The following NXF1 variants were observed in gnomAD, a reference collection of about 807,000 sequenced individuals.
NXF1 encodes the protein nuclear RNA export factor 1, also known as mRNA export factor TAP.
Under a neutral mutation model 92.4 loss-of-function variants are expected in NXF1, and 43 were observed. The ratio of observed to expected loss-of-function variants is 0.47; its 90% confidence interval spans 0.36 to 0.60. The LOEUF is 0.60. NXF1 is among the 20% of genes least tolerant of loss of function. The pLI is 0.00. For synonymous variants in NXF1, 288 were observed against 292.2 expected, an observed-to-expected ratio of 0.99 and a Z score of 0.15; for missense variants, 576 against 793.0, an observed-to-expected ratio of 0.73 and a Z score of 3.29.
intron 4 of NXF1, 28 bp from the exon 5 acceptor site, chr11:62,802,074 T>C: frequency 6.2e-7 from 1 of 1,610,938 alleles, no homozygotes; most frequent in Non-Finnish European, 8.5e-7. Flanking sequence ...AGCATTACAC[T>C]GGGAGTCCAG....
chr11:62,795,110 G>A, intron 17 of NXF1, 103 bp from the exon 18 acceptor site: 1 of 1,115,526 alleles, frequency 9.0e-7, no homozygotes, highest in South Asian at 1.3e-5. Flanking sequence ...TAGCAAGTCA[G>A]AGAGGAATGA....
intron 1 of NXF1, 48 bp downstream of exon 1, chr11:62,805,281 C>G: frequency 6.4e-7 from 1 of 1,574,460 alleles, no homozygotes; most frequent in Non-Finnish European, 8.6e-7. Flanking sequence ...CGGCGCCGCC[C>G]ACCCGCGCCC....
At position 62,792,621 on chromosome 11, in the gene NXF1, A is replaced by C. The variant is rs1247622195; in HGVS notation, c.1821+20T>G. The C allele has an allele frequency of 1.2e-6, 2 of 1,614,028 alleles. No individual in the cohort carries two copies. The highest frequency in any genetic ancestry group is 1.7e-6 in the Non-Finnish European group (2 of 1,179,994). On this transcript the variant is annotated intron_variant, in intron 20 of 20. Coordinates refer to ENST00000294172, the MANE Select transcript of NXF1 (RefSeq NM_006362.5). ...GCCCAGAGATCCTAGTCTTTTTGCC[A>C]CTGTATTTCCAGACCTTACCTTGAG...
chr11:62,797,600 G>C (rs186773519), intron 11 of NXF1, among the ~76,000 whole-genome samples: 88 of 152,248 alleles, frequency 5.8e-4, no homozygotes, highest in Middle Eastern at 3.4e-3. Flanking sequence ...TAGCTACTTG[G>C]GAGGCTGAAG....
In NXF1 at chr11:62,805,419, C is replaced by T. The variant is rs1054489539; in HGVS notation, c.-63G>A. ...CGCTACGCCGGCAAACAACCTAACT[C>T]CCAAGCGCTCAGGACCGAAGTGTCC... is the stretch of plus-strand genomic sequence containing the variant. On this transcript the variant is annotated 5_prime_UTR_variant, in exon 1 of 21. Coordinates refer to ENST00000294172, the MANE Select transcript of NXF1 (RefSeq NM_006362.5). 2.1e-5 allele frequency: 33 copies of T among 1,604,680 alleles called. No individual in the cohort carries two copies. Among genetic ancestry groups the T allele is most frequent in the African/African-American group, 8.1e-5 (6 of 74,228 alleles).
At position 62,803,775 on chromosome 11, in the gene NXF1, A is replaced by G; in HGVS notation, c.215+17T>C. The stretch of plus-strand genomic sequence containing the variant: ...TCATGAGCCACTAAATTCAAACCAG[A>G]CCAACTGGTCACTCACTATCGTACT... On this transcript the variant is annotated intron_variant, in intron 2 of 20. Coordinates refer to ENST00000294172, the MANE Select transcript of NXF1 (RefSeq NM_006362.5). The G allele has an allele frequency of 6.2e-7, 1 of 1,609,782 alleles. No homozygotes were observed.
rs374112252 is a variant in NXF1 at position 62,794,954 on chromosome 11, C to T, written c.1558G>A (p.Val520Ile). The change falls in exon 18 of 21, where the codon GTT (valine) becomes ATT (isoleucine). Residue 520 changes from valine (V) to isoleucine (I), a missense_variant. Around this residue, in one of 2 missense-constraint regions of NXF1, gnomAD observed 425 missense variants for 635.2 expected, o/e 0.67. Coordinates refer to ENST00000294172, the MANE Select transcript of NXF1 (RefSeq NM_006362.5). ...LRAFTRTFIA[V>I]PASNSGLCIV... The stretch of plus-strand genomic sequence containing the variant: ...ACTTACCCTGAATTGCTAGCAGGAA[C>T]AGCAATGAATGTCCGGGTGAAGGCT... 5.6e-6 allele frequency: 9 copies of T among 1,614,068 alleles called. No individual in the cohort carries two copies. Among genetic ancestry groups the T allele is most frequent in the Non-Finnish European group, 7.6e-6 (9 of 1,180,012 alleles).
intron 1 of NXF1, 184 bp from the exon 2 acceptor site, chr11:62,804,162 G>A (rs566164452): frequency 2.4e-5 from 37 of 1,534,888 alleles, no homozygotes; most frequent in Non-Finnish European, 3.0e-5. Flanking sequence ...CAGCATCAGG[G>A]AAAAGTTACT....
rs978791145 is a variant in NXF1 at position 62,796,281 on chromosome 11, A to G, written c.1345+6T>C. On this transcript the variant is annotated splice_donor_region_variant and intron_variant, in intron 15 of 20. Coordinates refer to ENST00000294172, the MANE Select transcript of NXF1 (RefSeq NM_006362.5). ...TTCCCATATTTTGTTCGTATCACAC[A>G]CTTACTAGGGTCTTTAAGCTTCTTC... The G allele has an allele frequency of 2.5e-6, 4 of 1,614,038 alleles. No homozygotes were observed. Among genetic ancestry groups the G allele is most frequent in the Non-Finnish European group, 3.4e-6 (4 of 1,179,974 alleles).
intron 18 of NXF1, chr11:62,794,727 C>A: frequency 1.7e-6 from 1 of 595,514 alleles, no homozygotes. Flanking sequence ...CAGCAGCCTA[C>A]TTGCTAGAAG....
chr11:62,792,892 T>C (rs2084380144), intron 19 of NXF1, 191 bp from the exon 20 acceptor site: 2 of 595,520 alleles, frequency 3.4e-6, no homozygotes, highest in African/African-American at 3.7e-5. Flanking sequence ...ATAAGGAATA[T>C]TAAATAGCTG....
intron 18 of NXF1, 27 bp from the exon 19 acceptor site, chr11:62,794,467 C>T (rs1203641176): frequency 6.3e-7 from 1 of 1,589,730 alleles, no homozygotes; most frequent in East Asian, 2.3e-5. Context: ...ACTTAAAAAG[C>T]TAGACAGAGA....
intron 10 of NXF1, chr11:62,798,949 A>G: frequency 9.4e-7 from 1 of 1,059,560 alleles, no homozygotes; most frequent in Non-Finnish European, 1.1e-6. Flanking sequence ...CTGCCTCACC[A>G]GGTATCCATC....
chr11:62,795,968 C>A, intron 16 of NXF1, 25 bp from the exon 17 acceptor site: 1 of 1,613,894 alleles, frequency 6.2e-7, no homozygotes. Context: ...GCATCAGGTA[C>A]AATGTACACT....
chr11:62,801,648 G>A lies in NXF1; in HGVS notation c.640-17C>T. The stretch of plus-strand genomic sequence containing the variant: ...CATGATCAGCTAGAGGAAAAAGAAG[G>A]GTTTAGTGGTCACTGGGTTTGTGTG... On this transcript the variant is annotated splice_polypyrimidine_tract_variant and intron_variant, in intron 6 of 20. Transcript: ENST00000294172. 1 of 1,613,962 alleles carries A rather than the reference G, an allele frequency of 6.2e-7. No homozygotes were observed. Among genetic ancestry groups the A allele is most frequent in the Non-Finnish European group, 8.5e-7 (1 of 1,179,896 alleles).
rs1197416987 is a variant in NXF1, at chr11:62,794,320, C to T, written c.1698G>A (p.Glu566=). ...AGAATGCTTGCAACATTTCCTGCTG[C>T]TCTGGAGAGAGGGTGGGCACCGGGC... ...SSSPVPTLSP[E]QQEMLQAFST... is the part of the protein sequence containing the mutation. The change falls in exon 19 of 21, where the codon GAG becomes GAA. Residue 566 remains glutamate (E), a synonymous_variant. Coordinates refer to ENST00000294172, the MANE Select transcript of NXF1 (RefSeq NM_006362.5). The T allele has an allele frequency of 6.2e-7, 1 of 1,614,046 alleles. No homozygotes were observed. Among genetic ancestry groups the T allele is most frequent in the African/African-American group, 1.3e-5 (1 of 74,926 alleles).
intron 10 of NXF1, 124 bp downstream of exon 10, chr11:62,800,253 C>CA (rs547256337): frequency 2.0e-6 from 3 of 1,516,670 alleles, no homozygotes; most frequent in Non-Finnish European, 2.7e-6. Flanking sequence ...GCGATCCTCT[C>CA]AAAGGACAGG....
At position 62,798,627 on chromosome 11, in the gene NXF1, T is replaced by C. The variant is rs376730888; in HGVS notation, c.1017-52A>G. The C allele has an allele frequency of 2.5e-5, 40 of 1,609,740 alleles. No homozygotes were observed. The African/African-American group carries it at 5.2e-4, about 21-fold the overall frequency. Reference sequence around the variant, plus strand: ...GATGCTTCAGAGCCACCGTGCCTCCTGGGCTGCTCTAGGAGCAAATATACC... The same window carrying C: ...GATGCTTCAGAGCCACCGTGCCTCCCGGGCTGCTCTAGGAGCAAATATACC... On this transcript the variant is annotated intron_variant, in intron 10 of 20. Transcript: ENST00000294172.
chr11:62,800,412 C>T lies in NXF1; in HGVS notation c.981G>A (p.Leu327=). 2 of 1,614,046 alleles carry T rather than the reference C, an allele frequency of 1.2e-6. No individual in the cohort carries two copies. The highest frequency in any genetic ancestry group is 8.5e-7 in the Non-Finnish European group (1 of 1,179,994). ...LEELWLDGNS[L]CDTFRDQSTY... ...TGGACTGGTCTCGGAAGGTGTCACA[C>T]AGGGAGTTTCCATCGAGCCAGAGCT... Residue 327 remains leucine (L), a synonymous_variant, in exon 10 of 21, where the codon CTG becomes CTA. Transcript: ENST00000294172.
Sources: allele counts gnomAD v4.1 joint callset (sites outside exome capture counted in the v4.1 genomes callset), GRCh38; gene constraint gnomAD v4.1.1; regional missense constraint gnomAD v4.1.1; transcripts MANE v1.5; gene names NCBI Gene and HGNC (gene_info 2026-07-23, HGNC 2026-07-21).